TSC22D2: variants seen among roughly 807,000 people sequenced by gnomAD.
The protein encoded by TSC22D2 is TSC22 domain family member 2, also known as TSC22 domain family protein 2.
A neutral mutation model predicts 50.1 loss-of-function variants in TSC22D2; 5 were observed. That is an observed-to-expected ratio of 0.10 (90% CI 0.05 to 0.21). The LOEUF (loss-of-function observed/expected upper bound fraction) is 0.21, where lower values mean the gene tolerates loss of function less well. TSC22D2 is among the 10% of genes least tolerant of loss of function. The pLI is 1.00. For synonymous variants in TSC22D2, 501 were observed against 450.1 expected, an observed-to-expected ratio of 1.11 and a Z score of -1.43; for missense variants, 1,003 against 1,015.5, an observed-to-expected ratio of 0.99 and a Z score of 0.17.
intron 1 of TSC22D2, among the ~76,000 whole-genome samples, chr3:150,416,831 C>T (rs1023169673): frequency 3.3e-5 from 5 of 152,070 alleles, no homozygotes; most frequent in Non-Finnish European, 7.4e-5. Context: ...ATGATTTCTG[C>T]TCTTAAATCA....
intron 1 of TSC22D2, among the ~76,000 whole-genome samples, chr3:150,421,840 T>C (rs1720020714): frequency 1.3e-5 from 2 of 152,238 alleles, no homozygotes; most frequent in African/African-American, 2.4e-5. Context: ...CTCAGTTCTT[T>C]AGCCTGCAAA....
rs1721378182 is a variant in TSC22D2 at position 150,460,891 on chromosome 3, A to G, written c.*2255A>G. ...CAAGGAAATGAATAATAAGGTTTAA[A>G]ATGGTAACAGCAGTTATTACTACTT... On this transcript the variant is annotated 3_prime_UTR_variant, in exon 3 of 3. Transcript: ENST00000688009. 1 of 152,212 alleles carries G rather than the reference A, an allele frequency of 6.6e-6. No individual in the cohort carries two copies. The highest frequency in any genetic ancestry group is 2.4e-5 in the African/African-American group (1 of 41,446). 9.4% of individuals were successfully genotyped at this position (152,212 alleles called of 1,614,324 possible).
At chr3:150,425,168 T>G (rs1287295550) in intron 1 of TSC22D2, among the ~76,000 whole-genome samples, 1 of 149,138 alleles carries the variant, frequency 6.7e-6, no homozygotes, top group African/African-American at 2.5e-5. Context: ...AAATTTAGGA[T>G]TTTTTTTTTA....
intron 1 of TSC22D2, 101 bp downstream of exon 1, chr3:150,411,409 A>G: frequency 7.9e-7 from 1 of 1,267,468 alleles, no homozygotes; most frequent in Non-Finnish European, 1.1e-6. Flanking sequence ...GGCCCTTAGC[A>G]TTTTTAAATA....
rs1410569245 is a variant in TSC22D2, at chr3:150,464,841, C to CT, written c.*6206dup. 2 of 152,094 alleles carry CT rather than the reference C, an allele frequency of 1.3e-5. No individual in the cohort carries two copies. The highest frequency in any genetic ancestry group is 2.4e-5 in the African/African-American group (1 of 41,414). The allele number at this position is 152,094 out of a possible 1,614,324, so 9.4% of individuals were successfully genotyped here. ...GAAAAGTTTACACATTTTTAATACT[C>CT]TAAGTTGTAGATAATGAAATTGATT... On this transcript the variant is annotated 3_prime_UTR_variant, in exon 3 of 3. Transcript: ENST00000688009.
At chr3:150,424,813 C>T (rs1415265046) in intron 1 of TSC22D2, among the ~76,000 whole-genome samples, 2 of 152,184 alleles carry the variant, frequency 1.3e-5, no homozygotes, top group Non-Finnish European at 2.9e-5. Flanking sequence ...ATAATCAGAT[C>T]AGCCATTCTT....
chr3:150,457,609 A>T (rs1000986557), intron 2 of TSC22D2, among the ~76,000 whole-genome samples: 2 of 152,074 alleles, frequency 1.3e-5, no homozygotes, highest in South Asian at 2.1e-4. Context: ...TGGGCAACAT[A>T]GCAAGACCCC....
intron 1 of TSC22D2, among the ~76,000 whole-genome samples, chr3:150,449,078 A>T: frequency 6.6e-6 from 1 of 152,142 alleles, no homozygotes; most frequent in East Asian, 1.9e-4. Context: ...GTTATAATTC[A>T]CTCTAAACCA....
At chr3:150,424,621 T>C (rs76784294) in intron 1 of TSC22D2, among the ~76,000 whole-genome samples, 5,905 of 152,276 alleles carry the variant, frequency 0.039, 141 homozygotes, top group Middle Eastern at 0.078. Flanking sequence ...TTATATGTTT[T>C]CTTTTTTTAG....
At chr3:150,436,950 C>T (rs1399612316) in intron 1 of TSC22D2, among the ~76,000 whole-genome samples, 1 of 152,050 alleles carries the variant, frequency 6.6e-6, no homozygotes, top group East Asian at 1.9e-4. Flanking sequence ...TGCTGTCTTT[C>T]AGTTTTCTAT....
In TSC22D2 at chr3:150,459,711, CAT is replaced by C. The variant is rs2108110219; in HGVS notation, c.*1076_*1077del. On this transcript the variant is annotated 3_prime_UTR_variant, in exon 3 of 3. Coordinates refer to ENST00000688009, the MANE Select transcript of TSC22D2 (RefSeq NM_001303264.2). ...TAATCTTTGAACCACTTTCGTACCT[CAT>C]GTTTTTATCCAGCACTCTTATTGTA... The C allele has an allele frequency of 6.6e-6, 1 of 150,642 alleles. No homozygotes were observed. Among genetic ancestry groups the C allele is most frequent in the South Asian group, 2.1e-4 (1 of 4,796 alleles). The allele number at this position is 150,642 out of a possible 1,614,324, so 9.3% of individuals were successfully genotyped here. A position where few individuals can be genotyped will look rare whatever the true frequency, so the allele number is the denominator to read the frequency against.
intron 1 of TSC22D2, among the ~76,000 whole-genome samples, chr3:150,433,409 G>A (rs1228287471): frequency 2.6e-5 from 4 of 152,206 alleles, no homozygotes; most frequent in Admixed American, 6.5e-5. Context: ...TAGTAGCTAC[G>A]TATTTTCTAC....
In TSC22D2 at chr3:150,462,661, G is replaced by A. The variant is rs1721451455; in HGVS notation, c.*4025G>A. The A allele has an allele frequency of 8.3e-6, 1 of 120,476 alleles. No individual in the cohort carries two copies. Among genetic ancestry groups the A allele is most frequent in the Non-Finnish European group, 1.7e-5 (1 of 57,640 alleles). 7.5% of individuals were successfully genotyped at this position (120,476 alleles called of 1,614,324 possible). A position where few individuals can be genotyped will look rare whatever the true frequency, so the allele number is the denominator to read the frequency against. On this transcript the variant is annotated 3_prime_UTR_variant, in exon 3 of 3. Coordinates refer to ENST00000688009, the MANE Select transcript of TSC22D2 (RefSeq NM_001303264.2). ...TTTCTTTTTTTTTTTTTTTGAGACA[G>A]AGTCTTGCTGTGCTCAGGCTGGAGT... is the stretch of plus-strand genomic sequence containing the variant.
chr3:150,453,209 CA>C (rs1256270194), intron 1 of TSC22D2, among the ~76,000 whole-genome samples: 4 of 152,012 alleles, frequency 2.6e-5, no homozygotes, highest in Non-Finnish European at 4.4e-5. Flanking sequence ...GTTAAACCAT[CA>C]AAATATAATG....
At chr3:150,447,035 G>A (rs536281583) in intron 1 of TSC22D2, among the ~76,000 whole-genome samples, 2 of 152,288 alleles carry the variant, frequency 1.3e-5, no homozygotes, top group Admixed American at 6.5e-5. Flanking sequence ...CAAAAATTAT[G>A]TGCTTTTCAC....
Position 150,410,310 on chromosome 3 carries a change from G to A in TSC22D2, c.960G>A (p.Gly320=), listed in dbSNP as rs774795350. 1.3e-6 allele frequency: 2 copies of A among 1,571,688 alleles called. No homozygotes were observed. Among genetic ancestry groups the A allele is most frequent in the African/African-American group, 2.7e-5 (2 of 74,024 alleles). Residue 320 remains glycine (G), a synonymous_variant, in exon 1 of 3, where the codon GGG becomes GGA. Coordinates refer to ENST00000688009, the MANE Select transcript of TSC22D2 (RefSeq NM_001303264.2). ...GCCAGCCCCAGGGAGCGGGGCCCGG[G>A]GGACAGACTCTGCCGCCGACGAATG... is the stretch of plus-strand genomic sequence containing the variant. ...QPSQPQGAGP[G]GQTLPPTNVT... is the part of the protein sequence containing the mutation.
At chr3:150,445,174 T>C (rs1268327633) in intron 1 of TSC22D2, among the ~76,000 whole-genome samples, 1 of 151,880 alleles carries the variant, frequency 6.6e-6, no homozygotes, top group East Asian at 1.9e-4. Context: ...AAGAATGTTA[T>C]TAATGTCCAG....
chr3:150,458,571 G>A lies in TSC22D2; in HGVS notation c.2206G>A (p.Ala736Thr). The A allele has an allele frequency of 1.2e-6, 2 of 1,614,126 alleles. No homozygotes were observed. The highest frequency in any genetic ancestry group is 1.7e-6 in the Non-Finnish European group (2 of 1,180,020). Residue 736 changes from alanine (A) to threonine (T), a missense_variant, in exon 3 of 3, where the codon GCA (alanine) becomes ACA (threonine). Around this residue, in one of 6 missense-constraint regions of TSC22D2, gnomAD observed 54 missense variants for 51.4 expected, o/e 1.05. Transcript: ENST00000688009. The stretch of plus-strand genomic sequence containing the variant: ...TCCTGGTAGCACTTCTCAACAGCAA[G>A]CAGTGATAGCACAGCCTCCGCAGCC... ...ANPGSTSQQQAVIAQPPQPTQ... is the reference protein window; with the variant it reads ...ANPGSTSQQQTVIAQPPQPTQ...
intron 1 of TSC22D2, among the ~76,000 whole-genome samples, chr3:150,415,862 A>G (rs1359161735): frequency 3.3e-5 from 5 of 152,214 alleles, no homozygotes; most frequent in Non-Finnish European, 7.3e-5. Context: ...GAAATAGTGA[A>G]ATATGGTACT....
Sources: allele counts gnomAD v4.1 joint callset (sites outside exome capture counted in the v4.1 genomes callset), GRCh38; gene constraint gnomAD v4.1.1; regional missense constraint gnomAD v4.1.1; transcripts MANE v1.5; gene names NCBI Gene and HGNC (gene_info 2026-07-23, HGNC 2026-07-21).